FRMD5: variants seen among roughly 807,000 people sequenced by gnomAD.
The protein encoded by FRMD5 is FERM domain-containing protein 5.
A neutral mutation model predicts 69.0 loss-of-function variants in FRMD5; 20 were observed. That is an observed-to-expected ratio of 0.29 (90% CI 0.20 to 0.42). The LOEUF is 0.42. Among genes scored for constraint, FRMD5 ranks in the 10% least tolerant of loss-of-function variants. The pLI, the probability that FRMD5 is intolerant of heterozygous loss-of-function variation, is 1.00. For missense variants in FRMD5, 595 were observed against 708.6 expected (o/e 0.84, Z 1.82); for synonymous variants, 271 against 260.1 (o/e 1.04, Z -0.40).
intron 13 of FRMD5, among the ~76,000 whole-genome samples, chr15:43,883,342 C>T (rs1341593989): frequency 6.6e-6 from 1 of 152,172 alleles, no homozygotes; most frequent in Non-Finnish European, 1.5e-5. Flanking sequence ...AAGTGATCCA[C>T]CCATCTAGGC....
intron 4 of FRMD5, among the ~76,000 whole-genome samples, chr15:43,913,682 G>C (rs1353005853): frequency 2.6e-5 from 4 of 152,234 alleles, no homozygotes; most frequent in African/African-American, 9.6e-5. Context: ...TCAGCCTGCT[G>C]GGGCTGCCTA....
chr15:43,930,854 C>T (rs1029730601), intron 1 of FRMD5, among the ~76,000 whole-genome samples: 6 of 152,146 alleles, frequency 3.9e-5, no homozygotes, highest in Admixed American at 6.6e-5. Flanking sequence ...TGGAGGTCAC[C>T]GTGCGCAAGG....
chr15:43,918,290 G>A (rs1183011430), intron 4 of FRMD5, among the ~76,000 whole-genome samples: 1 of 152,178 alleles, frequency 6.6e-6, no homozygotes, highest in Admixed American at 6.5e-5. Flanking sequence ...CAGCCGTGGT[G>A]GCAGGCGCCC....
intron 1 of FRMD5, among the ~76,000 whole-genome samples, chr15:44,139,765 T>C (rs1416444849): frequency 8.0e-6 from 1 of 124,688 alleles, no homozygotes; most frequent in Admixed American, 7.8e-5. Flanking sequence ...CATGACATAA[T>C]GATAAAAAAG....
intron 1 of FRMD5, among the ~76,000 whole-genome samples, chr15:43,991,443 GCTGCTGCTGCTA>G (rs1311792128): frequency 6.6e-6 from 1 of 152,176 alleles, no homozygotes; most frequent in African/African-American, 2.4e-5. Flanking sequence ...ACAGGTCTTT[GCTGCTGCTGCTA>G]CTGCTGCTGC....
At chr15:44,050,327 T>C (rs911597374) in intron 1 of FRMD5, among the ~76,000 whole-genome samples, 1 of 152,140 alleles carries the variant, frequency 6.6e-6, no homozygotes, top group Admixed American at 6.6e-5. Flanking sequence ...GAAGTTATGC[T>C]TGAGGAGTAT....
intron 1 of FRMD5, among the ~76,000 whole-genome samples, chr15:44,095,929 G>A (rs962339981): frequency 2.0e-5 from 3 of 152,240 alleles, no homozygotes; most frequent in South Asian, 2.1e-4. Context: ...TAAACTGGCC[G>A]GGTGCGGCGG....
chr15:44,164,323 A>G (rs1253364016), intron 1 of FRMD5, among the ~76,000 whole-genome samples: 4 of 152,230 alleles, frequency 2.6e-5, no homozygotes, highest in Non-Finnish European at 5.9e-5. Flanking sequence ...TACTATTTCC[A>G]ACTTTTATGG....
At chr15:43,981,235 C>A (rs1253090598) in intron 1 of FRMD5, among the ~76,000 whole-genome samples, 1 of 152,134 alleles carries the variant, frequency 6.6e-6, no homozygotes, top group Non-Finnish European at 1.5e-5. Flanking sequence ...GCTGGGATTA[C>A]AGGCGTGAAC....
Position 43,883,724 on chromosome 15 carries a change from C to G in FRMD5, c.1114G>C (p.Val372Leu). 1 of 1,612,670 alleles carries G rather than the reference C, an allele frequency of 6.2e-7. No homozygotes were observed. The highest frequency in any genetic ancestry group is 8.5e-7 in the Non-Finnish European group (1 of 1,179,330). Reference sequence around the variant, plus strand: ...TCACCTTCCATGATGGAGATGTGAACAGCTCTTCTGCGGGTCCTGGGGACG... The same window carrying G: ...TCACCTTCCATGATGGAGATGTGAAGAGCTCTTCTGCGGGTCCTGGGGACG... ...SSVPRTRRRA[V>L]HISIMEGLES... is the part of the protein sequence containing the mutation. Residue 372 changes from valine to leucine, a missense_variant, in exon 13 of 14, where the codon GTT becomes CTT. Val to Leu is a conservative substitution (Grantham distance 32). Transcript: ENST00000417257.
chr15:43,948,443 A>G (rs909156270), intron 1 of FRMD5, among the ~76,000 whole-genome samples: 2 of 152,232 alleles, frequency 1.3e-5, no homozygotes, highest in Non-Finnish European at 2.9e-5. Flanking sequence ...TCAAATTTGA[A>G]TAAGTTAAAG....
At chr15:44,029,946 G>T (rs1891606783) in intron 1 of FRMD5, among the ~76,000 whole-genome samples, 1 of 152,266 alleles carries the variant, frequency 6.6e-6, no homozygotes, top group African/African-American at 2.4e-5. Context: ...TATATTTTTT[G>T]AGTATGGACT....
At chr15:44,028,357 C>G (rs1290553445) in intron 1 of FRMD5, among the ~76,000 whole-genome samples, 1 of 152,166 alleles carries the variant, frequency 6.6e-6, no homozygotes, top group Non-Finnish European at 1.5e-5. Context: ...GATGGAAGTG[C>G]AGCAAAGCAA....
chr15:44,058,012 AAT>A, intron 1 of FRMD5, among the ~76,000 whole-genome samples: 1 of 152,268 alleles, frequency 6.6e-6, no homozygotes, highest in Admixed American at 6.5e-5. Context: ...TCTATAACCT[AAT>A]CTTAGCTCTG....
At chr15:43,956,772 T>G (rs2090122288) in intron 1 of FRMD5, among the ~76,000 whole-genome samples, 1 of 152,220 alleles carries the variant, frequency 6.6e-6, no homozygotes, top group Non-Finnish European at 1.5e-5. Context: ...CTGGAAATGA[T>G]GAGTTCATGA....
At chr15:44,151,213 T>C (rs1030777347) in intron 1 of FRMD5, among the ~76,000 whole-genome samples, 3 of 150,896 alleles carry the variant, frequency 2.0e-5, no homozygotes, top group Non-Finnish European at 4.4e-5. Flanking sequence ...CTGGCTACCA[T>C]GATGAAACCC....
At chr15:43,931,355 ATATTCTCTTTCTC>A (rs2089671662) in intron 1 of FRMD5, among the ~76,000 whole-genome samples, 1 of 152,090 alleles carries the variant, frequency 6.6e-6, no homozygotes, top group African/African-American at 2.4e-5. Flanking sequence ...TGTGAAGCTC[ATATTCTCTTTCTC>A]TATTCTCTGT....
chr15:44,138,608 T>C (rs2077221388), intron 1 of FRMD5, among the ~76,000 whole-genome samples: 1 of 152,190 alleles, frequency 6.6e-6, no homozygotes. Context: ...ATGACCATGT[T>C]ACACTAACAG....
At chr15:44,128,987 G>T (rs1187711679) in intron 1 of FRMD5, among the ~76,000 whole-genome samples, 1 of 152,146 alleles carries the variant, frequency 6.6e-6, no homozygotes, top group Admixed American at 6.5e-5. Context: ...ATTAGTGGAG[G>T]TCTGAAGCTC....
Sources: allele counts gnomAD v4.1 joint callset (sites outside exome capture counted in the v4.1 genomes callset), GRCh38; gene constraint gnomAD v4.1.1; transcripts MANE v1.5; gene names NCBI Gene and HGNC (gene_info 2026-07-23, HGNC 2026-07-21).